The following ERC1 variants were observed in gnomAD, a reference collection of about 807,000 sequenced individuals.
ERC1 encodes the protein ELKS/RAB6-interacting/CAST family member 1, also known as RAB6 interacting protein 2.
ERC1 carries 56 observed loss-of-function variants against 132.0 expected under a neutral mutation model. That is an observed-to-expected ratio of 0.42 (90% CI 0.34 to 0.53). The LOEUF (loss-of-function observed/expected upper bound fraction) is 0.53, where lower values mean the gene tolerates loss of function less well. Among genes scored for constraint, ERC1 ranks in the 20% least tolerant of loss-of-function variants. The pLI is 0.03. For synonymous variants in ERC1, 478 were observed against 476.1 expected, an observed-to-expected ratio of 1.00 and a Z score of -0.05; for missense variants, 1,202 against 1,349.9, an observed-to-expected ratio of 0.89 and a Z score of 1.72.
intron 2 of ERC1, among the ~76,000 whole-genome samples, chr12:1,061,989 CTTTTTTT>C (rs896825718): frequency 1.7e-5 from 2 of 117,384 alleles, no homozygotes; most frequent in Non-Finnish European, 3.5e-5. Context: ...TTCTTTTCTT[CTTTTTTT>C]TTTTTTTTTT....
At chr12:1,293,561 G>A (rs1384295536) in intron 15 of ERC1, among the ~76,000 whole-genome samples, 2 of 133,622 alleles carry the variant, frequency 1.5e-5, no homozygotes, top group African/African-American at 2.7e-5. Context: ...CCCAGGAGGC[G>A]GAGGTTGCAG....
intron 1 of ERC1, among the ~76,000 whole-genome samples, chr12:992,147 A>G (rs1959609560): frequency 6.6e-6 from 1 of 152,068 alleles, no homozygotes; most frequent in African/African-American, 2.4e-5. Flanking sequence ...AGCTCCTTCA[A>G]GGTGGTGTCT....
At chr12:1,143,677 TG>T (rs1435837099) in intron 8 of ERC1, among the ~76,000 whole-genome samples, 3 of 152,064 alleles carry the variant, frequency 2.0e-5, no homozygotes, top group East Asian at 3.9e-4. Flanking sequence ...CATTTTTTAT[TG>T]GGAGTACATA....
chr12:1,428,588 C>T (rs1297224456), intron 17 of ERC1, among the ~76,000 whole-genome samples: 1 of 152,158 alleles, frequency 6.6e-6, no homozygotes, highest in African/African-American at 2.4e-5. Flanking sequence ...ACAGGCCTAA[C>T]ACTTGTGTAT....
At chr12:1,330,336 A>G (rs965476290) in intron 15 of ERC1, among the ~76,000 whole-genome samples, 2 of 152,222 alleles carry the variant, frequency 1.3e-5, no homozygotes, top group Non-Finnish European at 2.9e-5. Flanking sequence ...ATCATCACTC[A>G]GAACTTTAGA....
At chr12:1,352,073 C>G (rs2085051399) in intron 15 of ERC1, among the ~76,000 whole-genome samples, 1 of 152,158 alleles carries the variant, frequency 6.6e-6, no homozygotes, top group Non-Finnish European at 1.5e-5. Flanking sequence ...ATACCCAATT[C>G]TCCCCAGAGT....
intron 12 of ERC1, among the ~76,000 whole-genome samples, chr12:1,230,327 T>C (rs193282800): frequency 6.6e-6 from 1 of 152,326 alleles, no homozygotes; most frequent in East Asian, 1.9e-4. Flanking sequence ...TTTGATTTCT[T>C]CTTTGACCCA....
intron 17 of ERC1, among the ~76,000 whole-genome samples, chr12:1,409,569 T>C (rs1048662848): frequency 5.3e-5 from 8 of 152,186 alleles, no homozygotes; most frequent in Non-Finnish European, 8.8e-5. Context: ...CAAACTACAG[T>C]TGTTCCTGAG....
At chr12:1,299,746 A>G (rs878998399) in intron 15 of ERC1, among the ~76,000 whole-genome samples, 10 of 152,306 alleles carry the variant, frequency 6.6e-5, no homozygotes, top group Admixed American at 6.5e-4. Flanking sequence ...GTCCCTACCA[A>G]ATGGATCAAG....
intron 1 of ERC1, among the ~76,000 whole-genome samples, chr12:1,014,475 C>CA (rs1316159561): frequency 2.0e-5 from 3 of 150,820 alleles, no homozygotes; most frequent in African/African-American, 4.9e-5. Context: ...CACACCAGGC[C>CA]AAAAAAAGTA....
At chr12:1,082,341 A>G (rs556124552) in intron 2 of ERC1, among the ~76,000 whole-genome samples, 2 of 151,308 alleles carry the variant, frequency 1.3e-5, no homozygotes, top group East Asian at 3.9e-4. Context: ...TTGTATTTTT[A>G]GTAGAGATGG....
chr12:1,431,321 A>G (rs2092791403), intron 17 of ERC1, among the ~76,000 whole-genome samples: 1 of 152,200 alleles, frequency 6.6e-6, no homozygotes, highest in African/African-American at 2.4e-5. Context: ...TTTTGAACCA[A>G]TTAGTGTTTT....
intron 1 of ERC1, among the ~76,000 whole-genome samples, chr12:994,243 CAGT>C (rs1565734220): frequency 6.6e-6 from 1 of 152,048 alleles, no homozygotes; most frequent in African/African-American, 2.4e-5. Context: ...GTTTAAGAAT[CAGT>C]AGTACATTGA....
intron 15 of ERC1, among the ~76,000 whole-genome samples, chr12:1,349,269 G>T (rs2084771861): frequency 6.6e-6 from 1 of 152,188 alleles, no homozygotes; most frequent in Non-Finnish European, 1.5e-5. Context: ...GTATGTGACT[G>T]ACCTTTGGCT....
rs542796477 is a variant in ERC1, at chr12:1,334,533, C to G, written c.2781-37300C>G. ...TGCTTTTGTCAGGTTTGTTGAAGAT[C>G]AGATAGTTCTAGATGTGCAACCTTA... On this transcript the variant is annotated intron_variant, in intron 15 of 18. Coordinates refer to ENST00000360905, the MANE Select transcript of ERC1 (RefSeq NM_178040.4). Among the ~76,000 whole-genome samples the G allele has an allele frequency of 9.4e-4, 143 of 152,248 alleles. 5 individuals carry two copies. In the South Asian group the frequency reaches 0.028, roughly 30 times the overall value.
At chr12:1,464,543 A>G (rs1452977593) in intron 18 of ERC1, among the ~76,000 whole-genome samples, 10 of 111,436 alleles carry the variant, frequency 9.0e-5, no homozygotes, top group African/African-American at 1.4e-4. Flanking sequence ...TTTTTGAGAC[A>G]GAGTTTCGCT....
intron 16 of ERC1, among the ~76,000 whole-genome samples, chr12:1,406,360 C>A (rs1176940234): frequency 6.6e-6 from 1 of 152,004 alleles, no homozygotes; most frequent in South Asian, 2.1e-4. Flanking sequence ...CATCTAGAAA[C>A]TAAAATGTGT....
At chr12:1,372,615 A>T (rs1287483404) in intron 16 of ERC1, among the ~76,000 whole-genome samples, 2 of 152,230 alleles carry the variant, frequency 1.3e-5, no homozygotes, top group Non-Finnish European at 2.9e-5. Flanking sequence ...GGAGAAAAAC[A>T]TTTCCCTTGG....
intron 16 of ERC1, among the ~76,000 whole-genome samples, chr12:1,398,425 GA>G (rs1018435899): frequency 6.6e-6 from 1 of 152,034 alleles, no homozygotes; most frequent in African/African-American, 2.4e-5. Context: ...CAGCATAAGA[GA>G]AAAAAATATA....
Sources: gnomAD v4.1 joint callset for allele counts (sites outside exome capture counted in the v4.1 genomes callset) on GRCh38, gnomAD v4.1.1 for gene constraint, MANE v1.5 for transcripts, NCBI Gene and HGNC (gene_info 2026-07-23, HGNC 2026-07-21) for gene names.